The following EIF2AK2 variants were observed in gnomAD, a reference collection of about 807,000 sequenced individuals.
EIF2AK2 encodes interferon-induced, double-stranded RNA-activated protein kinase.
EIF2AK2 carries 40 observed loss-of-function variants against 70.5 expected under a neutral mutation model. That is an observed-to-expected ratio of 0.57 (90% CI 0.44 to 0.74). The LOEUF (loss-of-function observed/expected upper bound fraction) is 0.74, where lower values mean the gene tolerates loss of function less well. Among genes scored for constraint, EIF2AK2 ranks in the 30% least tolerant of loss-of-function variants. The pLI is 0.00. For synonymous variants in EIF2AK2, 198 were observed against 220.9 expected (o/e 0.90, Z 0.92); for missense variants, 555 against 644.3 (o/e 0.86, Z 1.50).
intron 11 of EIF2AK2, 58 bp downstream of exon 11, chr2:37,126,231 A>C: frequency 6.6e-7 from 1 of 1,507,270 alleles, no homozygotes; most frequent in Non-Finnish European, 8.9e-7. Context: ...CATAAAAAAG[A>C]ATAGTGCAGA....
At chr2:37,108,688 GC>G (rs1045884886) in intron 15 of EIF2AK2, among the ~76,000 whole-genome samples, 1 of 152,106 alleles carries the variant, frequency 6.6e-6, no homozygotes, top group Non-Finnish European at 1.5e-5. Context: ...TCCTGCCTCA[GC>G]CCCCTGAGTA....
chr2:37,120,014 A>G lies in EIF2AK2; in HGVS notation c.1193T>C (p.Ile398Thr). The G allele has an allele frequency of 6.5e-7, 1 of 1,539,032 alleles. No homozygotes were observed. The highest frequency in any genetic ancestry group is 8.8e-7 in the Non-Finnish European group (1 of 1,138,516). The change falls in exon 13 of 17, where the codon ATA (isoleucine) becomes ACA (threonine). Residue 398 changes from isoleucine (I) to threonine (T), a missense_variant. Ile to Thr is a moderately conservative substitution (Grantham distance 89, BLOSUM62 -1). This residue lies in a region of EIF2AK2 where 299 missense variants were observed against 375.4 expected (regional missense o/e 0.80). Coordinates refer to ENST00000233057, the MANE Select transcript of EIF2AK2 (RefSeq NM_001135651.3). ...KVLALELFEQ[I>T]TKGVDYIHSK... ...ATGTATATAATCCACCCCTTTTGTT[A>G]TTTGTTCAAAGAGTTCCAAAGCCAA...
intron 1 of EIF2AK2, among the ~76,000 whole-genome samples, chr2:37,155,570 C>A (rs1204659307): frequency 4.6e-5 from 7 of 152,196 alleles, no homozygotes; most frequent in Admixed American, 3.3e-4. Context: ...TCAACACAGC[C>A]CTGACTGCTT....
At chr2:37,154,777 G>T (rs1205793773) in intron 1 of EIF2AK2, among the ~76,000 whole-genome samples, 1 of 152,050 alleles carries the variant, frequency 6.6e-6, no homozygotes, top group African/African-American at 2.4e-5. Flanking sequence ...GGCCAGGCTG[G>T]TCTCAAACTC....
At chr2:37,140,652 T>C (rs550249537) in intron 5 of EIF2AK2, among the ~76,000 whole-genome samples, 2 of 151,966 alleles carry the variant, frequency 1.3e-5, no homozygotes, top group African/African-American at 4.8e-5. Context: ...AATGTTAGCA[T>C]AATTTAAAGA....
rs376775616 is a variant in EIF2AK2 at position 37,147,818 on chromosome 2, G to A, written c.-12C>T. 36 of 1,578,304 alleles carry A rather than the reference G, an allele frequency of 2.3e-5. No individual in the cohort carries two copies. Among genetic ancestry groups the A allele is most frequent in the Admixed American group, 3.4e-5 (2 of 59,640 alleles). ...AGATCACCAGCCATTTCTTCTTCCC[G>A]TATCCTACAATGGAAGAGACATTTG... On this transcript the variant is annotated 5_prime_UTR_variant, in exon 3 of 17. The change creates a new upstream start codon in the 5' untranslated region. Transcript: ENST00000233057.
chr2:37,135,615 T>G, intron 9 of EIF2AK2, 69 bp from the exon 10 acceptor site: 1 of 1,412,430 alleles, frequency 7.1e-7, no homozygotes, highest in African/African-American at 1.4e-5. Context: ...TTAGTGTTAA[T>G]GTTAACCTTT....
In EIF2AK2 at chr2:37,120,154, C is replaced by A; in HGVS notation, c.1068-15G>T. 1 of 1,377,504 alleles carries A rather than the reference C, an allele frequency of 7.3e-7. No individual in the cohort carries two copies. The highest frequency in any genetic ancestry group is 9.5e-7 in the Non-Finnish European group (1 of 1,057,856). 85.3% of individuals were successfully genotyped at this position (1,377,504 alleles called of 1,614,324 possible). A position where few individuals can be genotyped will look rare whatever the true frequency, so the allele number is the denominator to read the frequency against. ...TAGTCTTTGACCTGGGTATAAAATTCACAGTATGTTAAAAGTAACAATAAA... is the reference window on the plus strand; with the variant it reads ...TAGTCTTTGACCTGGGTATAAAATTAACAGTATGTTAAAAGTAACAATAAA... On this transcript the variant is annotated splice_polypyrimidine_tract_variant and intron_variant, in intron 12 of 16. Transcript: ENST00000233057.
chr2:37,141,728 A>C, intron 4 of EIF2AK2, 27 bp from the exon 5 acceptor site: 1 of 1,574,550 alleles, frequency 6.4e-7, no homozygotes, highest in African/African-American at 1.4e-5. Flanking sequence ...TTCCTGTTTA[A>C]TATAAATGAC....
intron 13 of EIF2AK2, among the ~76,000 whole-genome samples, chr2:37,118,236 C>T (rs1017264782): frequency 2.0e-5 from 3 of 152,022 alleles, no homozygotes; most frequent in African/African-American, 7.2e-5. Flanking sequence ...ACTGCTTGAG[C>T]CCAGGAGGTC....
chr2:37,142,954 C>T (rs1675385442), intron 4 of EIF2AK2, among the ~76,000 whole-genome samples: 2 of 152,100 alleles, frequency 1.3e-5, no homozygotes, highest in African/African-American at 4.8e-5. Context: ...TGGGGCCGGG[C>T]GCGGTGGCTC....
intron 10 of EIF2AK2, among the ~76,000 whole-genome samples, chr2:37,133,166 C>A (rs898065192): frequency 2.6e-5 from 4 of 152,156 alleles, no homozygotes; most frequent in Non-Finnish European, 4.4e-5. Context: ...GGTACTCACT[C>A]CAAACACATA....
chr2:37,150,422 T>A (rs1675702146), intron 1 of EIF2AK2, among the ~76,000 whole-genome samples: 1 of 151,880 alleles, frequency 6.6e-6, no homozygotes, highest in South Asian at 2.1e-4. Flanking sequence ...TAAATATTTT[T>A]AAATTTTTTT....
At chr2:37,119,719 G>A (rs1674469342) in intron 13 of EIF2AK2, among the ~76,000 whole-genome samples, 1 of 151,340 alleles carries the variant, frequency 6.6e-6, no homozygotes, top group South Asian at 2.1e-4. Context: ...AGCCTCCCGA[G>A]TAGCTGGGAT....
At chr2:37,153,538 A>C (rs1236746937) in intron 1 of EIF2AK2, among the ~76,000 whole-genome samples, 1 of 151,838 alleles carries the variant, frequency 6.6e-6, no homozygotes, top group African/African-American at 2.4e-5. Context: ...CTGTCTCTGT[A>C]AATTTGCCTG....
Position 37,126,428 on chromosome 2 carries a change from ACT to A in EIF2AK2, c.786-19_786-18del, listed in dbSNP as rs1479018160. On this transcript the variant is annotated intron_variant, in intron 10 of 16. Coordinates refer to ENST00000233057, the MANE Select transcript of EIF2AK2 (RefSeq NM_001135651.3). ...ATGCCAAACCTTAAAGATAAAAACCACTGTTATTTTGACATTTCATGCTCAAC... is the reference window on the plus strand; with the variant it reads ...ATGCCAAACCTTAAAGATAAAAACCAGTTATTTTGACATTTCATGCTCAAC... 1 of 1,598,838 alleles carries A rather than the reference ACT, an allele frequency of 6.3e-7. No individual in the cohort carries two copies. The highest frequency in any genetic ancestry group is 1.4e-5 in the African/African-American group (1 of 74,016).
rs530656573 is a variant in EIF2AK2, at chr2:37,132,330, G to T, written c.785+3154C>A. Among the ~76,000 whole-genome samples the T allele has an allele frequency of 9.9e-3, 1,498 of 152,042 alleles. 27 individuals carry two copies. The highest frequency in any genetic ancestry group is 0.034 in the African/African-American group (1,411 of 41,412). On this transcript the variant is annotated intron_variant, in intron 10 of 16. Transcript: ENST00000233057. ...ACTCTTGGCCAGGTGCGGTAGTCAC[G>T]CCTGTAATCCCAACACTTTGGGAGG...
chr2:37,132,557 C>A (rs1674981124), intron 10 of EIF2AK2, among the ~76,000 whole-genome samples: 1 of 152,182 alleles, frequency 6.6e-6, no homozygotes. Flanking sequence ...CCACTGCACT[C>A]CAGCCTGGGT....
In EIF2AK2 at chr2:37,106,693, G is replaced by A. The variant is rs1211847842; in HGVS notation, c.*580C>T. The A allele has an allele frequency of 6.6e-6, 1 of 151,704 alleles. No individual in the cohort carries two copies. The highest frequency in any genetic ancestry group is 1.9e-4 in the East Asian group (1 of 5,186). The allele number at this position is 151,704 out of a possible 1,614,324, so 9.4% of individuals were successfully genotyped here. ...GAAATTTAATAAATAGATATGAATT[G>A]ATTGATTCATTAATAGTATAAAAAG... On this transcript the variant is annotated 3_prime_UTR_variant, in exon 17 of 17. Transcript: ENST00000233057.
Sources: allele counts gnomAD v4.1 joint callset (sites outside exome capture counted in the v4.1 genomes callset), GRCh38; gene constraint gnomAD v4.1.1; regional missense constraint gnomAD v4.1.1; transcripts MANE v1.5; gene names NCBI Gene and HGNC (gene_info 2026-07-23, HGNC 2026-07-21).